The following CCDC136 variants were observed in gnomAD, a reference collection of about 807,000 sequenced individuals.
CCDC136 encodes the protein coiled-coil domain containing 136, also known as coiled-coil domain-containing protein 136.
A neutral mutation model predicts 141.2 loss-of-function variants in CCDC136; 100 were observed. The ratio of observed to expected loss-of-function variants is 0.71; its 90% CI spans 0.60 to 0.84. The LOEUF (loss-of-function observed/expected upper bound fraction) is 0.84, where lower values mean the gene tolerates loss of function less well. Ranked by LOEUF, CCDC136 falls within the 40% of genes least tolerant of loss-of-function variation. The pLI, the probability that CCDC136 is intolerant of heterozygous loss-of-function variation, is 0.00. For missense variants in CCDC136, 1,206 were observed against 1,379.4 expected, an observed-to-expected ratio of 0.87 and a Z score of 1.99; for synonymous variants, 474 against 531.9, an observed-to-expected ratio of 0.89 and a Z score of 1.50.
chr7:128,805,781 G>A lies in CCDC136; in HGVS notation c.969G>A (p.Glu323=), dbSNP rs775384394. 6.2e-7 allele frequency: 1 copy of A among 1,612,762 alleles called. No individual in the cohort carries two copies. The highest frequency in any genetic ancestry group is 1.1e-5 in the South Asian group (1 of 90,798). The change falls in exon 7 of 18, where the codon GAG becomes GAA. Residue 323 remains glutamate, a synonymous_variant. Coordinates refer to ENST00000297788, the MANE Select transcript of CCDC136 (RefSeq NM_022742.5). The surrounding 1 kb of genome is among the most constrained non-coding windows in gnomAD (Gnocchi z 4.6). The part of the protein sequence containing the change: ...MKNKCQELCC[E]LEELQHHRQV... The stretch of plus-strand genomic sequence containing the variant: ...CATAGTGTCAGGAATTGTGTTGTGA[G>A]TTGGAAGAGCTACAGCATCATCGCC...
At position 128,821,975 on chromosome 7, in the gene CCDC136, A is replaced by G; in HGVS notation, c.*182A>G. On this transcript the variant is annotated 3_prime_UTR_variant, in exon 18 of 18. Coordinates refer to ENST00000297788, the MANE Select transcript of CCDC136 (RefSeq NM_022742.5). The surrounding 1 kb of genome is among the most constrained non-coding windows in gnomAD (Gnocchi z 5.1). The stretch of plus-strand genomic sequence containing the variant: ...CACCACCCTCAGCTTTGGGCAGGAC[A>G]CACTGTGCCAGAACCCTCCCCATAT... 6 of 1,285,286 alleles carry G rather than the reference A, an allele frequency of 4.7e-6. No homozygotes were observed. Among genetic ancestry groups the G allele is most frequent in the Non-Finnish European group, 6.1e-6 (6 of 986,432 alleles). 79.6% of individuals were successfully genotyped at this position (1,285,286 alleles called of 1,614,324 possible). A position where few individuals can be genotyped will look rare whatever the true frequency, so the allele number is the denominator to read the frequency against.
At chr7:128,806,653 C>G (rs1387259668) in intron 8 of CCDC136, 35 bp from the exon 9 acceptor site, 4 of 1,586,364 alleles carry the variant, frequency 2.5e-6, no homozygotes, top group Middle Eastern at 2.3e-4. Context: ...GGTTAAGGAG[C>G]CCAAAGGCAC....
intron 7 of CCDC136, 27 bp from the exon 8 acceptor site, chr7:128,806,210 G>A (rs761889521): frequency 7.8e-6 from 12 of 1,528,762 alleles, no homozygotes; most frequent in African/African-American, 5.5e-5. Flanking sequence ...GAGAGTAACT[G>A]TTCTACTCAC....
intron 4 of CCDC136, among the ~76,000 whole-genome samples, chr7:128,804,448 G>A (rs1804524244): frequency 2.0e-5 from 3 of 152,246 alleles, no homozygotes; most frequent in African/African-American, 7.2e-5. Context: ...AAGAAGGACA[G>A]CTATTGGGAA....
In CCDC136 at chr7:128,811,941, C is replaced by A. The variant is rs747248131; in HGVS notation, c.2170C>A (p.Leu724Met). 19 of 1,613,822 alleles carry A rather than the reference C, an allele frequency of 1.2e-5. No homozygotes were observed. The highest frequency in any genetic ancestry group is 1.6e-5 in the Non-Finnish European group (19 of 1,179,878). ...KRLQADLQLC[L>M]EEMQLLQVQS... Reference sequence around the variant, plus strand: ...GCTGCAGGCAGACTTGCAGCTCTGCCTGGAAGAAATGCAGCTGCTTCAAGT... The same window carrying A: ...GCTGCAGGCAGACTTGCAGCTCTGCATGGAAGAAATGCAGCTGCTTCAAGT... Residue 724 changes from leucine (L) to methionine (M), a missense_variant, in exon 13 of 18, where the codon CTG becomes ATG. By Grantham distance (15) the Leu-to-Met change is conservative. Coordinates refer to ENST00000297788, the MANE Select transcript of CCDC136 (RefSeq NM_022742.5).
At position 128,815,930 on chromosome 7, in the gene CCDC136, AG is replaced by A; in HGVS notation, c.3363+1del. On this transcript the variant is annotated frameshift_variant and splice_region_variant, in exon 16 of 18. Transcript: ENST00000297788. LOFTEE classifies it high-confidence loss of function. The stretch of plus-strand genomic sequence containing the variant: ...CCCCTCAGACTTTCCGAGAGCAAAA[AG>A]GTAACCAGAGCCAAAGCCTAGATCA... Reference protein sequence around the residue: ...NNPLRLSESKKSSPTPNPPIF... With the variant: ...NNPLRLSESKXSSPTPNPPIF... 3 of 1,607,972 alleles carry A rather than the reference AG, an allele frequency of 1.9e-6. No individual in the cohort carries two copies. Among genetic ancestry groups the A allele is most frequent in the Non-Finnish European group, 1.7e-6 (2 of 1,176,850 alleles).
intron 14 of CCDC136, among the ~76,000 whole-genome samples, 167 bp from the exon 15 acceptor site, chr7:128,814,471 C>T (rs560816481): frequency 9.9e-5 from 15 of 152,246 alleles, no homozygotes; most frequent in African/African-American, 3.6e-4. Context: ...ATTTGAGAGG[C>T]TCATTTTCCA....
rs185254869 is a variant in CCDC136, at chr7:128,805,232, G to A, written c.783-127G>A. On this transcript the variant is annotated intron_variant, in intron 5 of 17. Transcript: ENST00000297788. The surrounding 1 kb of genome is among the most constrained non-coding windows in gnomAD (Gnocchi z 4.6). ...GTCTTTTAAGCATGTTTATCTGAGC[G>A]GTGAGTCACAATAGAAGGCCCCTTA... The A allele has an allele frequency of 8.4e-5, 62 of 738,094 alleles. No homozygotes were observed. The highest frequency in any genetic ancestry group is 1.3e-4 in the Admixed American group (6 of 45,704). 45.7% of individuals were successfully genotyped at this position (738,094 alleles called of 1,614,324 possible).
At chr7:128,798,062 C>T (rs1453871035) in intron 3 of CCDC136, among the ~76,000 whole-genome samples, 33 of 150,814 alleles carry the variant, frequency 2.2e-4, no homozygotes, top group African/African-American at 7.6e-4. Flanking sequence ...AGACTACAGG[C>T]GCCCGCCACC....
intron 11 of CCDC136, 28 bp downstream of exon 11, chr7:128,809,672 T>C (rs1300173517): frequency 6.9e-7 from 1 of 1,457,656 alleles, no homozygotes. Context: ...AGCTGCTAAC[T>C]GCGGGGAAGC....
At chr7:128,793,396 C>A (rs1019337389) in intron 1 of CCDC136, among the ~76,000 whole-genome samples, 2 of 152,108 alleles carry the variant, frequency 1.3e-5, no homozygotes, top group African/African-American at 4.8e-5. Flanking sequence ...GAGAGGAGAC[C>A]TTGTGACATG....
chr7:128,794,462 C>T lies in CCDC136; in HGVS notation c.131C>T (p.Ser44Leu). 6.4e-7 allele frequency: 1 copy of T among 1,552,358 alleles called. No individual in the cohort carries two copies. The highest frequency in any genetic ancestry group is 8.7e-7 in the Non-Finnish European group (1 of 1,147,240). The change falls in exon 2 of 18, where the codon TCA (serine) becomes TTA (leucine). Residue 44 changes from serine (S) to leucine (L), a missense_variant. Physicochemically the swap from Ser to Leu is moderately radical, Grantham distance 145. Coordinates refer to ENST00000297788, the MANE Select transcript of CCDC136 (RefSeq NM_022742.5). The surrounding 1 kb of genome is among the most constrained non-coding windows in gnomAD (Gnocchi z 4.3). ...AAAGGTGGCAGTGTTGGCTCTCTGT[C>T]AGTCAACAAGCACCGGGGACTGAGC... ...VQKGGSVGSL[S>L]VNKHRGLSLT...
At chr7:128,803,897 C>T (rs751661615) in intron 4 of CCDC136, among the ~76,000 whole-genome samples, 1 of 151,646 alleles carries the variant, frequency 6.6e-6, no homozygotes, top group South Asian at 2.1e-4. Context: ...TCACTGTAAC[C>T]TCTGCCTCCA....
intron 3 of CCDC136, among the ~76,000 whole-genome samples, chr7:128,796,743 T>TA (rs1282909541): frequency 0.11 from 10,998 of 99,136 alleles, 1,560 homozygotes; most frequent in East Asian, 0.35. Context: ...ATATATATTC[T>TA]TTTTTTTTTT....
Position 128,801,457 on chromosome 7 carries a change from G to A in CCDC136, c.618G>A (p.Lys206=), listed in dbSNP as rs777804267. The change falls in exon 4 of 18, where the codon AAG becomes AAA. Residue 206 remains lysine (K), a synonymous_variant. Transcript: ENST00000297788. ...CCCTCCGTGCAGAAATGGAAATGAA[G>A]AGCTCTGAACCATCCGGTAGTTTAG... The part of the protein sequence containing the change: ...IASLRAEMEM[K]SSEPSGSLGL... 1.9e-6 allele frequency: 3 copies of A among 1,613,350 alleles called. No individual in the cohort carries two copies. Among genetic ancestry groups the A allele is most frequent in the Non-Finnish European group, 2.5e-6 (3 of 1,179,706 alleles).
chr7:128,796,739 A>ATATATATTT, intron 3 of CCDC136, among the ~76,000 whole-genome samples: 3 of 113,376 alleles, frequency 2.6e-5, no homozygotes, highest in African/African-American at 1.4e-4. Context: ...ATATATATAT[A>ATATATATTT]TTCTTTTTTT....
rs1362008107 is a variant in CCDC136 at position 128,794,433 on chromosome 7, G to A, written c.102G>A (p.Val34=). The A allele has an allele frequency of 5.2e-6, 8 of 1,553,060 alleles. No homozygotes were observed. The African/African-American group carries it at 6.8e-5, about 13-fold the overall frequency. ...EEEVEEEEEQ[V]QKGGSVGSLS... is the part of the protein sequence containing the mutation. ...AGGTGGAAGAAGAAGAAGAACAAGT[G>A]CAGAAAGGTGGCAGTGTTGGCTCTC... The change falls in exon 2 of 18, where the codon GTG becomes GTA. Residue 34 remains valine, a synonymous_variant. Transcript: ENST00000297788. This position sits in a 1 kb window ranked among gnomAD's most constrained non-coding sequence, Gnocchi z 4.3.
intron 1 of CCDC136, 100 bp downstream of exon 1, chr7:128,792,527 C>A: frequency 1.2e-6 from 1 of 866,418 alleles, no homozygotes. Flanking sequence ...AGGACACAGC[C>A]CTTCCCTCAG....
At chr7:128,811,652 C>T in intron 12 of CCDC136, 148 bp from the exon 13 acceptor site, 5 of 694,522 alleles carry the variant, frequency 7.2e-6, no homozygotes, top group Non-Finnish European at 1.2e-5. Context: ...TACCTATAGG[C>T]TAAGTCAGAG....
Sources: gnomAD v4.1 joint callset for allele counts (sites outside exome capture counted in the v4.1 genomes callset) on GRCh38, gnomAD v4.1.1 for gene constraint, Gnocchi (gnomAD v3.1) non-coding constraint, MANE v1.5 for transcripts, NCBI Gene and HGNC (gene_info 2026-07-23, HGNC 2026-07-21) for gene names.